Variants in LIPA observed in about 807,000 individuals in gnomAD.
The protein encoded by LIPA is lipase A, lysosomal acid type.
In LIPA, 26 loss-of-function variants were observed where a neutral mutation model predicts 40.6. The observed-to-expected ratio is 0.64, with a 90% CI of 0.47 to 0.89. LIPA has a LOEUF of 0.89. Among genes scored for constraint, LIPA ranks in the 40% least tolerant of loss-of-function variants. The pLI, the probability that LIPA is intolerant of heterozygous loss-of-function variation, is 0.00. For missense variants in LIPA, 455 were observed against 479.6 expected, an observed-to-expected ratio of 0.95 and a Z score of 0.48; for synonymous variants, 188 against 168.4, an observed-to-expected ratio of 1.12 and a Z score of -0.90.
intron 1 of LIPA, chr10:89,306,077 C>T (rs543713702): frequency 4.6e-5 from 75 of 1,614,020 alleles, no homozygotes; most frequent in African/African-American, 2.5e-4. Flanking sequence ...AGTATTTTAC[C>T]GGACTGAGTT....
intron 1 of LIPA, among the ~76,000 whole-genome samples, chr10:89,251,482 T>C (rs1843119756): frequency 7.9e-6 from 1 of 126,922 alleles, no homozygotes; most frequent in Non-Finnish European, 1.6e-5. Context: ...TCCAGGAAAG[T>C]GGACAGCGCC....
intron 2 of LIPA, chr10:89,392,480 C>A (rs897116276): frequency 1.2e-5 from 3 of 242,654 alleles, no homozygotes; most frequent in South Asian, 1.1e-4. Flanking sequence ...CACCCCCCCC[C>A]GTCAGCAGGA....
chr10:89,362,204 A>G (rs368950456), intron 2 of LIPA: 1 of 152,018 alleles, frequency 6.6e-6, no homozygotes. Context: ...GTGCCCAACT[A>G]TTTAACAATG....
intron 3 of LIPA, among the ~76,000 whole-genome samples, chr10:89,233,785 G>A (rs1325865718): frequency 6.6e-6 from 1 of 152,170 alleles, no homozygotes; most frequent in Non-Finnish European, 1.5e-5. Context: ...AGAATTGTTT[G>A]AACCCAAGAG....
chr10:89,337,426 G>C (rs1268859454), intron 1 of LIPA, among the ~76,000 whole-genome samples: 1 of 151,976 alleles, frequency 6.6e-6, no homozygotes, highest in Non-Finnish European at 1.5e-5. Context: ...TTGAGGCAGG[G>C]TCCCACTCTA....
In LIPA at chr10:89,222,532, T is replaced by C. The variant is rs1842713098; in HGVS notation, c.873A>G (p.Gln291=). The change falls in exon 8 of 10, where the codon CAA becomes CAG. Residue 291 remains glutamine (Q), a synonymous_variant. Transcript: ENST00000336233. ...TTHSPAGTSV[Q]NMLHWSQAVK... is the part of the protein sequence containing the mutation. Reference sequence around the variant, plus strand: ...CTACCTGGCTCCAGTGTAACATGTTTTGCACAGAAGTTCCAGCAGGAGAAT... The same window carrying C: ...CTACCTGGCTCCAGTGTAACATGTTCTGCACAGAAGTTCCAGCAGGAGAAT... The C allele has an allele frequency of 1.2e-6, 2 of 1,610,774 alleles. No homozygotes were observed. Among genetic ancestry groups the C allele is most frequent in the African/African-American group, 2.7e-5 (2 of 74,988 alleles).
At chr10:89,270,453 T>A (rs544025424) in intron 1 of LIPA, among the ~76,000 whole-genome samples, 1 of 152,218 alleles carries the variant, frequency 6.6e-6, no homozygotes, top group Non-Finnish European at 1.5e-5. Flanking sequence ...ATAAACCCCT[T>A]ATAAATTCAG....
chr10:89,412,689 G>A (rs376648553), intron 2 of LIPA: 70 of 414,240 alleles, frequency 1.7e-4, no homozygotes, highest in South Asian at 4.1e-4. Flanking sequence ...CGAACCCACC[G>A]GGAGGAACGA....
chr10:89,279,601 T>C (rs1425721915), intron 1 of LIPA, among the ~76,000 whole-genome samples: 1 of 152,146 alleles, frequency 6.6e-6, no homozygotes, highest in Non-Finnish European at 1.5e-5. Flanking sequence ...CAAGGGATGA[T>C]AGAGAACAAT....
chr10:89,291,642 A>C (rs1373210797), intron 1 of LIPA, among the ~76,000 whole-genome samples: 1 of 152,084 alleles, frequency 6.6e-6, no homozygotes, highest in African/African-American at 2.4e-5. Context: ...CCTGACCATG[A>C]GCTGAGTGCA....
At chr10:89,259,252 C>G (rs1216389364) in intron 1 of LIPA, among the ~76,000 whole-genome samples, 1 of 151,936 alleles carries the variant, frequency 6.6e-6, no homozygotes, top group Non-Finnish European at 1.5e-5. Flanking sequence ...ACTAAAAACC[C>G]GATCAAAAAT....
chr10:89,337,404 C>A (rs1589609879), intron 1 of LIPA, among the ~76,000 whole-genome samples: 1 of 152,012 alleles, frequency 6.6e-6, no homozygotes, highest in South Asian at 2.1e-4. Flanking sequence ...TTTATTCTTA[C>A]TTTTATTTTT....
At chr10:89,268,480 G>C (rs769950247) in intron 1 of LIPA, among the ~76,000 whole-genome samples, 1 of 151,952 alleles carries the variant, frequency 6.6e-6, no homozygotes, top group Non-Finnish European at 1.5e-5. Flanking sequence ...TACTATGTAG[G>C]TTCAATATAG....
chr10:89,317,657 A>C (rs545327512), intron 1 of LIPA, among the ~76,000 whole-genome samples: 36 of 152,386 alleles, frequency 2.4e-4, no homozygotes, highest in African/African-American at 8.4e-4. Context: ...GATATTATGC[A>C]GGAGAACTTC....
At chr10:89,240,105 A>T (rs1450070446) in intron 3 of LIPA, among the ~76,000 whole-genome samples, 1 of 152,248 alleles carries the variant, frequency 6.6e-6, no homozygotes, top group Non-Finnish European at 1.5e-5. Context: ...ACACAGGGCT[A>T]GAAATGACAC....
intron 2 of LIPA, chr10:89,393,059 G>A: frequency 2.0e-6 from 2 of 1,018,040 alleles, no homozygotes; most frequent in South Asian, 1.5e-5. Flanking sequence ...TGTCTGATAT[G>A]GGGAAGGAAT....
chr10:89,392,745 A>G (rs1450955340), intron 2 of LIPA: 1 of 1,612,482 alleles, frequency 6.2e-7, no homozygotes, highest in East Asian at 2.2e-5. Context: ...CCTCTGCCAT[A>G]ATGTCTAAAG....
At chr10:89,264,850 G>A (rs917013839) in intron 1 of LIPA, among the ~76,000 whole-genome samples, 13 of 152,222 alleles carry the variant, frequency 8.5e-5, no homozygotes, top group Non-Finnish European at 1.6e-4. Context: ...GTGCTTCACT[G>A]GGACTGCCCC....
rs139460105 is a variant in LIPA at position 89,231,983 on chromosome 10, C to T, written c.230-3585G>A. 3.1e-3 allele frequency among the ~76,000 whole-genome samples: 473 copies of T among 152,222 alleles called. 1 individual carries two copies. Among genetic ancestry groups the T allele is most frequent in the African/African-American group, 0.011 (443 of 41,526 alleles). ...GTGGAAGGCATTGTGGTAGATACAG[C>T]GTCTTATGCACAGGCTTCTTGGCTT... On this transcript the variant is annotated intron_variant, in intron 3 of 9. Transcript: ENST00000336233.
Sources: gnomAD v4.1 joint callset for allele counts (sites outside exome capture counted in the v4.1 genomes callset) on GRCh38, gnomAD v4.1.1 for gene constraint, MANE v1.5 for transcripts, NCBI Gene and HGNC (gene_info 2026-07-23, HGNC 2026-07-21) for gene names.